Variants in BAZ2B observed in about 807,000 individuals in gnomAD.
BAZ2B encodes the protein bromodomain adjacent to zinc finger domain 2B, also known as bromodomain adjacent to zinc finger domain protein 2B.
In BAZ2B, 91 loss-of-function variants were observed where a neutral mutation model predicts 246.0. That is an observed-to-expected ratio of 0.37 (90% CI 0.31 to 0.44). The LOEUF (loss-of-function observed/expected upper bound fraction) is 0.44, where lower values mean the gene tolerates loss of function less well. Ranked by LOEUF, BAZ2B falls within the 20% of genes least tolerant of loss-of-function variation. The probability of loss-of-function intolerance (pLI) is 1.00; values close to 1 mark genes in which losing one functional copy is unlikely to be tolerated. For missense variants in BAZ2B, 2,332 were observed against 2,533.7 expected (o/e 0.92, Z 1.71); for synonymous variants, 855 against 860.0 (o/e 0.99, Z 0.10).
Position 159,431,165 on chromosome 2 carries a change from T to C in BAZ2B, c.1901-9A>G. 1 of 1,595,472 alleles carries C rather than the reference T, an allele frequency of 6.3e-7. No individual in the cohort carries two copies. Among genetic ancestry groups the C allele is most frequent in the Non-Finnish European group, 8.5e-7 (1 of 1,170,882 alleles). On this transcript the variant is annotated splice_polypyrimidine_tract_variant and intron_variant, in intron 9 of 36. Transcript: ENST00000392783. ...TGAATTACTATCTGATTCTGGGAAG[T>C]AAAAGAAGCATTTGTATATTATAAC... is the stretch of plus-strand genomic sequence containing the variant.
chr2:159,574,880 G>C (rs977336918), intron 1 of BAZ2B, among the ~76,000 whole-genome samples: 1 of 151,722 alleles, frequency 6.6e-6, no homozygotes, highest in Non-Finnish European at 1.5e-5. Context: ...TGAGGCAGGA[G>C]AATCGCTTGA....
chr2:159,331,701 G>T (rs1390168061), intron 34 of BAZ2B, among the ~76,000 whole-genome samples: 1 of 152,150 alleles, frequency 6.6e-6, no homozygotes, highest in Non-Finnish European at 1.5e-5. Context: ...TTTAAAGGCT[G>T]AGTATTACAC....
At chr2:159,417,189 G>A (rs941052354) in intron 13 of BAZ2B, among the ~76,000 whole-genome samples, 1 of 75,506 alleles carries the variant, frequency 1.3e-5, no homozygotes, top group Admixed American at 1.6e-4. Flanking sequence ...TTTTTTTTTT[G>A]AGCTGAAGTC....
intron 27 of BAZ2B, among the ~76,000 whole-genome samples, chr2:159,362,981 T>C (rs1240057174): frequency 6.6e-6 from 1 of 152,000 alleles, no homozygotes; most frequent in Non-Finnish European, 1.5e-5. Context: ...GGAGCCTGAG[T>C]GAGAACACCA....
At chr2:159,335,923 G>A (rs953673579) in intron 33 of BAZ2B, among the ~76,000 whole-genome samples, 13 of 152,190 alleles carry the variant, frequency 8.5e-5, no homozygotes, top group African/African-American at 2.7e-4. Context: ...CACTTTGGGA[G>A]GCTGAGGTGG....
Position 159,405,134 on chromosome 2 carries a change from A to G in BAZ2B, c.2678-20T>C, listed in dbSNP as rs1172360692. 3 of 1,606,972 alleles carry G rather than the reference A, an allele frequency of 1.9e-6. No homozygotes were observed. The Admixed American group carries it at 5.0e-5, about 27-fold the overall frequency. On this transcript the variant is annotated intron_variant, in intron 14 of 36. Transcript: ENST00000392783. ...CTATTTCTGAAAAACACAAAATTTC[A>G]AAGAATATTAACAACTTTGTGTAAC...
At chr2:159,658,416 C>T in the BAZ2B span, among the ~76,000 whole-genome samples, 1 of 152,160 alleles carries the variant, frequency 6.6e-6, no homozygotes, top group Non-Finnish European at 1.5e-5. Flanking sequence ...TCACTGCAAC[C>T]TTGATCTCCT....
chr2:159,633,700 A>T, the BAZ2B span, among the ~76,000 whole-genome samples: 3 of 149,036 alleles, frequency 2.0e-5, no homozygotes, highest in African/African-American at 7.4e-5. Flanking sequence ...TGGAAACCAG[A>T]GTTTTTATAT....
At chr2:159,627,868 GA>G in the BAZ2B span, among the ~76,000 whole-genome samples, 1 of 152,194 alleles carries the variant, frequency 6.6e-6, no homozygotes, top group Admixed American at 6.5e-5. Context: ...AGGAAAAGAG[GA>G]AGTCAAATTG....
chr2:159,610,363 A>T (rs1016344848), intron 1 of BAZ2B, among the ~76,000 whole-genome samples: 5 of 152,198 alleles, frequency 3.3e-5, no homozygotes, highest in Non-Finnish European at 7.4e-5. Flanking sequence ...AGATTTATTT[A>T]TGTCCTAGCG....
In BAZ2B at chr2:159,433,192, A is replaced by G; in HGVS notation, c.1465T>C (p.Leu489=). The G allele has an allele frequency of 6.2e-7, 1 of 1,614,192 alleles. No homozygotes were observed. The highest frequency in any genetic ancestry group is 8.5e-7 in the Non-Finnish European group (1 of 1,180,014). ...HPNPFLTNAL[L]GNHQPNGVIQ... ...ACTCCATTTGGTTGGTGATTACCTA[A>G]AAGTGCATTTGTCAAGAATGGATTT... is the stretch of plus-strand genomic sequence containing the variant. Residue 489 remains leucine, a synonymous_variant, in exon 9 of 37, where the codon TTA becomes CTA. Transcript: ENST00000392783.
chr2:159,671,115 C>T, the BAZ2B span, among the ~76,000 whole-genome samples: 7 of 152,180 alleles, frequency 4.6e-5, no homozygotes, highest in Non-Finnish European at 8.8e-5. Context: ...ATAGTACTCA[C>T]AGTTCTAAAC....
the BAZ2B span, among the ~76,000 whole-genome samples, chr2:159,667,906 T>C: frequency 6.6e-6 from 1 of 152,102 alleles, no homozygotes; most frequent in Non-Finnish European, 1.5e-5. Flanking sequence ...CCATCAGCTT[T>C]TCAGGTTCTC....
intron 35 of BAZ2B, 52 bp from the exon 36 acceptor site, chr2:159,325,006 T>A: frequency 8.7e-7 from 1 of 1,144,442 alleles, no homozygotes; most frequent in Non-Finnish European, 1.1e-6. Flanking sequence ...ACTGTCTTAT[T>A]TTTTAATTAA....
intron 27 of BAZ2B, among the ~76,000 whole-genome samples, chr2:159,362,456 C>T (rs1215919741): frequency 6.6e-6 from 1 of 152,182 alleles, no homozygotes; most frequent in South Asian, 2.1e-4. Context: ...TCTTGGAGTG[C>T]TCTTGCTGCA....
intron 23 of BAZ2B, among the ~76,000 whole-genome samples, chr2:159,384,416 A>G (rs2062379624): frequency 6.6e-6 from 1 of 152,110 alleles, no homozygotes; most frequent in Admixed American, 6.6e-5. Flanking sequence ...TAGCTAAGAT[A>G]GGTACAGAAA....
At position 159,389,433 on chromosome 2, in the gene BAZ2B, T is replaced by C; in HGVS notation, c.3128A>G (p.Glu1043Gly). ...EKRDEKRLNK[E>G]RKLEQRRLEL... Reference sequence around the variant, plus strand: ...TAATCTTCGCTGCTCTAGTTTACGCTCTTTATTTAATCTTTTCTCATCACG... The same window carrying C: ...TAATCTTCGCTGCTCTAGTTTACGCCCTTTATTTAATCTTTTCTCATCACG... Residue 1043 changes from glutamate (E) to glycine (G), a missense_variant, in exon 21 of 37, where the codon GAG becomes GGG. Glu to Gly is a moderately conservative substitution (Grantham distance 98). Around this residue, in one of 9 missense-constraint regions of BAZ2B, gnomAD observed 328 missense variants for 410.4 expected, o/e 0.80. Transcript: ENST00000392783. 1 of 1,611,220 alleles carries C rather than the reference T, an allele frequency of 6.2e-7. No individual in the cohort carries two copies. Among genetic ancestry groups the C allele is most frequent in the Non-Finnish European group, 8.5e-7 (1 of 1,178,786 alleles).
chr2:159,399,371 CT>C (rs2064599637), intron 17 of BAZ2B, among the ~76,000 whole-genome samples: 1 of 151,804 alleles, frequency 6.6e-6, no homozygotes, highest in African/African-American at 2.4e-5. Flanking sequence ...ATTTTTAATA[CT>C]TGAAAATTTG....
At chr2:159,539,592 C>A in intron 2 of BAZ2B, among the ~76,000 whole-genome samples, 1 of 152,194 alleles carries the variant, frequency 6.6e-6, no homozygotes, top group East Asian at 1.9e-4. Flanking sequence ...ATCTTCCAGG[C>A]TAGCCATGGT....
Sources: allele counts gnomAD v4.1 joint callset (sites outside exome capture counted in the v4.1 genomes callset), GRCh38; gene constraint gnomAD v4.1.1; regional missense constraint gnomAD v4.1.1; transcripts MANE v1.5; gene names NCBI Gene and HGNC (gene_info 2026-07-23, HGNC 2026-07-21).